GALNTL6: variants seen among roughly 807,000 people sequenced by gnomAD.
The protein encoded by GALNTL6 is polypeptide N-acetylgalactosaminyltransferase like 6.
A neutral mutation model predicts 73.7 loss-of-function variants in GALNTL6; 46 were observed. The ratio of observed to expected loss-of-function variants is 0.62; its 90% confidence interval spans 0.49 to 0.80. The LOEUF (loss-of-function observed/expected upper bound fraction) is 0.80, where lower values mean the gene tolerates loss of function less well. GALNTL6 is among the 30% of genes least tolerant of loss of function. The pLI, the probability that GALNTL6 is intolerant of heterozygous loss-of-function variation, is 0.00. For synonymous variants in GALNTL6, 259 were observed against 263.7 expected (o/e 0.98, Z 0.17); for missense variants, 604 against 755.0 (o/e 0.80, Z 2.34).
chr4:172,764,689 A>T (rs2110839675), intron 5 of GALNTL6, among the ~76,000 whole-genome samples: 1 of 152,340 alleles, frequency 6.6e-6, no homozygotes, highest in Admixed American at 6.5e-5. Context: ...AAAGTAAAAA[A>T]AAATCAAAAG....
At chr4:172,027,076 A>G (rs751596966) in intron 2 of GALNTL6, among the ~76,000 whole-genome samples, 7 of 151,966 alleles carry the variant, frequency 4.6e-5, no homozygotes, top group Non-Finnish European at 8.8e-5. Context: ...TTATTTTTGT[A>G]GAAACAGAGT....
intron 8 of GALNTL6, among the ~76,000 whole-genome samples, chr4:172,918,782 C>T (rs1177234494): frequency 6.6e-6 from 1 of 152,156 alleles, no homozygotes; most frequent in Non-Finnish European, 1.5e-5. Flanking sequence ...AGATACATTA[C>T]CCCAACTTTA....
intron 5 of GALNTL6, among the ~76,000 whole-genome samples, chr4:172,784,503 TG>T (rs1739544829): frequency 6.6e-6 from 1 of 152,120 alleles, no homozygotes; most frequent in Non-Finnish European, 1.5e-5. Flanking sequence ...ACAGTTCTGG[TG>T]GTCAAAAGTC....
Position 172,316,705 on chromosome 4 carries a change from T to C in GALNTL6, c.386+4953T>C, listed in dbSNP as rs147474672. On this transcript the variant is annotated intron_variant, in intron 4 of 12. Transcript: ENST00000506823. ...TTTGAGAGATAGCCCCAGAAACGAT[T>C]TGCTATGAAAACATTCGCTTTATTA... Among the ~76,000 whole-genome samples the C allele has an allele frequency of 6.0e-3, 910 of 152,348 alleles. 11 individuals are homozygous for C. Among genetic ancestry groups the C allele is most frequent in the African/African-American group, 0.02 (844 of 41,582 alleles).
intron 2 of GALNTL6, among the ~76,000 whole-genome samples, chr4:172,075,537 G>A (rs1319993449): frequency 6.6e-6 from 1 of 151,950 alleles, no homozygotes; most frequent in African/African-American, 2.4e-5. Context: ...GGGTTCCACC[G>A]TCTTAGCCAG....
intron 5 of GALNTL6, among the ~76,000 whole-genome samples, chr4:172,761,470 T>C (rs1738082343): frequency 6.6e-6 from 1 of 152,210 alleles, no homozygotes; most frequent in Non-Finnish European, 1.5e-5. Flanking sequence ...ATTTGATGTC[T>C]ATATGTTTGA....
At chr4:172,977,682 T>G (rs571585330) in intron 10 of GALNTL6, among the ~76,000 whole-genome samples, 1 of 152,148 alleles carries the variant, frequency 6.6e-6, no homozygotes, top group East Asian at 1.9e-4. Flanking sequence ...CTAGGGAGAC[T>G]CTATGGGAGT....
intron 2 of GALNTL6, among the ~76,000 whole-genome samples, chr4:172,063,572 C>T (rs1731270268): frequency 6.6e-6 from 1 of 152,188 alleles, no homozygotes; most frequent in South Asian, 2.1e-4. Flanking sequence ...AAAGAAAACA[C>T]TCTTTCTGCT....
Position 172,298,071 on chromosome 4 carries a change from C to A in GALNTL6, c.248-13543C>A, listed in dbSNP as rs192694753. Among the ~76,000 whole-genome samples the A allele has an allele frequency of 6.6e-4, 100 of 152,218 alleles. No individual in the cohort carries two copies. In the East Asian group the frequency reaches 0.018, roughly 28 times the overall value. On this transcript the variant is annotated intron_variant, in intron 3 of 12. Coordinates refer to ENST00000506823, the MANE Select transcript of GALNTL6 (RefSeq NM_001034845.3). ...TTCTCCTTGAAGAGGTCCTTCACAT[C>A]CCTTGTAAGTTGGATTCCTAGGTAT...
chr4:172,576,454 T>A (rs1413962702), intron 5 of GALNTL6, among the ~76,000 whole-genome samples: 1 of 152,208 alleles, frequency 6.6e-6, no homozygotes, highest in African/African-American at 2.4e-5. Flanking sequence ...AGCTTGGGTC[T>A]AAGGGTTGTT....
intron 7 of GALNTL6, among the ~76,000 whole-genome samples, chr4:172,841,248 G>C (rs1042847712): frequency 6.6e-5 from 10 of 152,138 alleles, no homozygotes; most frequent in African/African-American, 2.4e-4. Flanking sequence ...AATAATAATA[G>C]AATGGCGAAG....
intron 5 of GALNTL6, among the ~76,000 whole-genome samples, chr4:172,727,577 T>C (rs1477047548): frequency 6.6e-6 from 1 of 152,178 alleles, no homozygotes; most frequent in East Asian, 1.9e-4. Context: ...ATGTCAGTGT[T>C]AATTGGCCTT....
intron 3 of GALNTL6, among the ~76,000 whole-genome samples, chr4:172,247,232 AG>A (rs1205119298): frequency 2.6e-5 from 4 of 152,160 alleles, no homozygotes; most frequent in Admixed American, 1.3e-4. Context: ...GATGTTTGAC[AG>A]CCACCCAAAT....
chr4:172,266,175 G>A (rs930940253), intron 3 of GALNTL6: 10 of 152,116 alleles, frequency 6.6e-5, no homozygotes, highest in African/African-American at 2.4e-4. Flanking sequence ...GTGGTTGTGA[G>A]CTGGACACCA....
chr4:172,307,839 G>A (rs1269417427), intron 3 of GALNTL6, among the ~76,000 whole-genome samples: 1 of 151,692 alleles, frequency 6.6e-6, no homozygotes, highest in Non-Finnish European at 1.5e-5. Context: ...GGTTATGTGG[G>A]ATCTTTTTTA....
intron 2 of GALNTL6, among the ~76,000 whole-genome samples, chr4:171,977,940 C>T (rs533925875): frequency 3.3e-4 from 50 of 151,936 alleles, no homozygotes; most frequent in African/African-American, 1.2e-3. Flanking sequence ...ATTAGGTTGC[C>T]GTAAAAGTAA....
intron 5 of GALNTL6, among the ~76,000 whole-genome samples, chr4:172,596,896 A>G (rs978203881): frequency 6.6e-6 from 1 of 152,196 alleles, no homozygotes; most frequent in African/African-American, 2.4e-5. Context: ...GTAATTCTAG[A>G]CAAGGAGACA....
chr4:172,646,658 C>T lies in GALNTL6; in HGVS notation c.554-162703C>T, dbSNP rs536829721. On this transcript the variant is annotated intron_variant, in intron 5 of 12. Transcript: ENST00000506823. The stretch of plus-strand genomic sequence containing the variant: ...CATTTACACTAATCCCTTGTAATAA[C>T]GCCATTTTTGTTTTACAAATTTTCT... 6.6e-5 allele frequency among the ~76,000 whole-genome samples: 10 copies of T among 151,980 alleles called. 1 individual carries two copies. The highest frequency in any genetic ancestry group is 2.2e-4 in the African/African-American group (9 of 41,522).
intron 5 of GALNTL6, among the ~76,000 whole-genome samples, chr4:172,383,688 G>GTAGT (rs1167922004): frequency 6.6e-6 from 1 of 152,152 alleles, no homozygotes; most frequent in Non-Finnish European, 1.5e-5. Context: ...TTGAAAGCAT[G>GTAGT]TAGTCTTTCC....
Sources: allele counts gnomAD v4.1 joint callset (sites outside exome capture counted in the v4.1 genomes callset), GRCh38; gene constraint gnomAD v4.1.1; transcripts MANE v1.5; gene names NCBI Gene and HGNC (gene_info 2026-07-23, HGNC 2026-07-21).